The following NKAIN3 variants were observed in gnomAD, a reference collection of about 807,000 sequenced individuals.
NKAIN3 encodes the protein sodium/potassium-transporting ATPase subunit beta-1-interacting protein 3.
A neutral mutation model predicts 30.2 loss-of-function variants in NKAIN3; 25 were observed. That is an observed-to-expected ratio of 0.83 (90% CI 0.60 to 1.16). NKAIN3 has a LOEUF of 1.16. Ranked by LOEUF, NKAIN3 falls within the 50% of genes most tolerant of loss-of-function variation. NKAIN3 has a pLI of 0.00. For synonymous variants in NKAIN3, 91 were observed against 89.6 expected, an observed-to-expected ratio of 1.02 and a Z score of -0.09; for missense variants, 225 against 254.1, an observed-to-expected ratio of 0.89 and a Z score of 0.78.
Position 62,975,067 on chromosome 8 carries a change from G to A in NKAIN3, c.*9660G>A, listed in dbSNP as rs1823913778. ...GTACTGCTGCATTTCTTTTGCCAGT[G>A]TTTCATTGGGGATTTTCACATAGAT... On this transcript the variant is annotated 3_prime_UTR_variant, in exon 7 of 7. Transcript: ENST00000623646. Among the ~76,000 whole-genome samples the A allele has an allele frequency of 6.6e-6, 1 of 152,056 alleles. No individual in the cohort carries two copies. Among genetic ancestry groups the A allele is most frequent in the African/African-American group, 2.4e-5 (1 of 41,424 alleles).
chr8:62,630,491 T>A (rs1458186109), intron 3 of NKAIN3, among the ~76,000 whole-genome samples: 82 of 152,278 alleles, frequency 5.4e-4, no homozygotes, highest in Non-Finnish European at 9.3e-4. Flanking sequence ...TCTTAAAGGC[T>A]GACAGGAGAT....
intron 1 of NKAIN3, among the ~76,000 whole-genome samples, chr8:62,269,377 C>A (rs1020534265): frequency 3.9e-5 from 6 of 152,120 alleles, no homozygotes; most frequent in Non-Finnish European, 7.4e-5. Context: ...GGAATTCTTT[C>A]TTGATCTTAT....
chr8:62,323,598 G>A (rs1351793378), intron 1 of NKAIN3, among the ~76,000 whole-genome samples: 2 of 152,084 alleles, frequency 1.3e-5, no homozygotes, highest in African/African-American at 4.8e-5. Context: ...ATCTTTTGTG[G>A]TAGTTCTTAT....
intron 4 of NKAIN3, among the ~76,000 whole-genome samples, chr8:62,799,822 G>C (rs1460946364): frequency 6.6e-6 from 1 of 152,136 alleles, no homozygotes; most frequent in African/African-American, 2.4e-5. Context: ...CCAACGAGTG[G>C]ATAGAGAGAA....
At chr8:62,417,028 A>T (rs1195152435) in intron 1 of NKAIN3, among the ~76,000 whole-genome samples, 3 of 151,476 alleles carry the variant, frequency 2.0e-5, no homozygotes, top group Non-Finnish European at 4.4e-5. Flanking sequence ...ATATGACTAT[A>T]GTCACCCTGT....
intron 4 of NKAIN3, among the ~76,000 whole-genome samples, chr8:62,817,290 T>C (rs1473060785): frequency 6.6e-6 from 1 of 152,202 alleles, no homozygotes; most frequent in Non-Finnish European, 1.5e-5. Flanking sequence ...TTTTTAAAAC[T>C]TGAAATAAAT....
chr8:62,901,543 G>C (rs1821613818), intron 4 of NKAIN3, among the ~76,000 whole-genome samples: 1 of 152,170 alleles, frequency 6.6e-6, no homozygotes, highest in Non-Finnish European at 1.5e-5. Flanking sequence ...AGCATCATCA[G>C]CCTAATTTTG....
intron 4 of NKAIN3, among the ~76,000 whole-genome samples, chr8:62,829,246 T>C (rs1169859574): frequency 6.6e-6 from 1 of 152,184 alleles, no homozygotes; most frequent in Non-Finnish European, 1.5e-5. Flanking sequence ...TCTGAAGTGT[T>C]GTGAAAAATG....
chr8:62,922,992 A>G (rs1822328347), intron 5 of NKAIN3, among the ~76,000 whole-genome samples: 1 of 152,176 alleles, frequency 6.6e-6, no homozygotes, highest in Admixed American at 6.5e-5. Flanking sequence ...TTGTATGTAG[A>G]ATTCAATAAA....
At chr8:62,889,777 C>T (rs1821249645) in intron 4 of NKAIN3, among the ~76,000 whole-genome samples, 1 of 152,148 alleles carries the variant, frequency 6.6e-6, no homozygotes, top group South Asian at 2.1e-4. Flanking sequence ...AGACCTTGAG[C>T]AACGGCCAGG....
chr8:62,322,492 G>A (rs1401581073), intron 1 of NKAIN3, among the ~76,000 whole-genome samples: 1 of 152,044 alleles, frequency 6.6e-6, no homozygotes, highest in Admixed American at 6.6e-5. Flanking sequence ...TGGATTTTTG[G>A]ATTTGGGATG....
At chr8:62,845,143 G>T (rs1331845236) in intron 4 of NKAIN3, among the ~76,000 whole-genome samples, 1 of 151,336 alleles carries the variant, frequency 6.6e-6, no homozygotes, top group Non-Finnish European at 1.5e-5. Flanking sequence ...GATTTTTTTA[G>T]GGTTAATATA....
At chr8:62,371,415 T>C (rs1010987104) in intron 1 of NKAIN3, among the ~76,000 whole-genome samples, 2 of 151,932 alleles carry the variant, frequency 1.3e-5, no homozygotes, top group Non-Finnish European at 2.9e-5. Context: ...ATTGTTATTC[T>C]ACTTCAGTTA....
intron 3 of NKAIN3, among the ~76,000 whole-genome samples, chr8:62,738,209 T>C (rs1001567070): frequency 2.0e-5 from 3 of 152,222 alleles, no homozygotes; most frequent in Non-Finnish European, 4.4e-5. Context: ...ATCACCATTC[T>C]AACTGGTGTG....
intron 1 of NKAIN3, among the ~76,000 whole-genome samples, chr8:62,568,308 A>G (rs1362550109): frequency 1.3e-5 from 2 of 152,202 alleles, no homozygotes; most frequent in South Asian, 4.1e-4. Flanking sequence ...CATTCTGAGT[A>G]TCTTCCTATA....
chr8:62,459,859 A>C (rs1325034128), intron 1 of NKAIN3, among the ~76,000 whole-genome samples: 1 of 152,184 alleles, frequency 6.6e-6, no homozygotes, highest in East Asian at 1.9e-4. Context: ...GGTGAAGAAA[A>C]TATCATGTGG....
At chr8:62,441,600 C>T (rs959357135) in intron 1 of NKAIN3, among the ~76,000 whole-genome samples, 8 of 151,736 alleles carry the variant, frequency 5.3e-5, no homozygotes, top group African/African-American at 1.7e-4. Flanking sequence ...GAAAATTAAT[C>T]TCATATCAAA....
At chr8:62,938,194 G>T (rs1401399727) in intron 5 of NKAIN3, among the ~76,000 whole-genome samples, 1 of 152,050 alleles carries the variant, frequency 6.6e-6, no homozygotes, top group African/African-American at 2.4e-5. Context: ...AAAGCTGAGT[G>T]CTCCTCCAGG....
intron 4 of NKAIN3, among the ~76,000 whole-genome samples, chr8:62,790,665 G>A (rs1005930569): frequency 6.6e-6 from 1 of 151,624 alleles, no homozygotes; most frequent in African/African-American, 2.4e-5. Context: ...AATATCTGCT[G>A]TATGTCTAGT....
Sources: allele counts gnomAD v4.1 joint callset (sites outside exome capture counted in the v4.1 genomes callset), GRCh38; gene constraint gnomAD v4.1.1; transcripts MANE v1.5; gene names NCBI Gene and HGNC (gene_info 2026-07-23, HGNC 2026-07-21).